The following PPM1F variants were observed in gnomAD, a reference collection of about 807,000 sequenced individuals.
PPM1F encodes protein phosphatase, Mg2+/Mn2+ dependent 1F.
PPM1F carries 17 observed loss-of-function variants against 35.5 expected under a neutral mutation model. The ratio of observed to expected loss-of-function variants is 0.48; its 90% CI spans 0.33 to 0.72. The LOEUF (loss-of-function observed/expected upper bound fraction) is 0.72. Ranked by LOEUF, PPM1F falls within the 30% of genes least tolerant of loss-of-function variation. PPM1F has a pLI of 0.02. For missense variants in PPM1F, 521 were observed against 613.0 expected, an observed-to-expected ratio of 0.85 and a Z score of 1.59; for synonymous variants, 241 against 255.5, an observed-to-expected ratio of 0.94 and a Z score of 0.54.
Position 21,939,223 on chromosome 22 carries a change from A to C in PPM1F, c.355+309T>G, listed in dbSNP as rs2070697306. ...CGATCACCTGTGAGATCCTCTGTGA[A>C]ACGGGATAAGCATCTTTAATTTCCT... On this transcript the variant is annotated intron_variant, in intron 3 of 7. Coordinates refer to ENST00000263212, the MANE Select transcript of PPM1F (RefSeq NM_014634.4). This position sits in a 1 kb window ranked among gnomAD's most constrained non-coding sequence, Gnocchi z 5.1. The C allele has an allele frequency of 3.0e-6, 1 of 337,044 alleles. No homozygotes were observed. The highest frequency in any genetic ancestry group is 4.5e-5 in the Admixed American group (1 of 22,316). 20.9% of individuals were successfully genotyped at this position (337,044 alleles called of 1,614,324 possible).
intron 3 of PPM1F, chr22:21,937,997 G>T: frequency 8.3e-6 from 8 of 966,706 alleles, no homozygotes; most frequent in Non-Finnish European, 1.1e-5. Context: ...ATGGCTTGGA[G>T]TCCAAAAACT....
chr22:21,925,359 T>C (rs533706343), intron 7 of PPM1F: 11 of 521,480 alleles, frequency 2.1e-5, no homozygotes, highest in African/African-American at 7.6e-5. Flanking sequence ...GATAATAACA[T>C]ACAGTGTAAC....
intron 7 of PPM1F, among the ~76,000 whole-genome samples, chr22:21,923,827 G>A (rs1289963969): frequency 7.9e-5 from 12 of 150,950 alleles, no homozygotes; most frequent in African/African-American, 1.9e-4. Context: ...ACAGGCTCGC[G>A]CCACCATGCC....
chr22:21,931,352 G>A lies in PPM1F; in HGVS notation c.748-61C>T, dbSNP rs576636093. 120 of 1,524,752 alleles carry A rather than the reference G, an allele frequency of 7.9e-5. 1 individual carries two copies. The South Asian group carries it at 1.1e-3, about 14-fold the overall frequency. The allele number at this position is 1,524,752 out of a possible 1,614,324, so 94.5% of individuals were successfully genotyped here. A position where few individuals can be genotyped will look rare whatever the true frequency, so the allele number is the denominator to read the frequency against. On this transcript the variant is annotated intron_variant, in intron 5 of 7. Coordinates refer to ENST00000263212, the MANE Select transcript of PPM1F (RefSeq NM_014634.4). ...GGTAGGGAAGGGCAGAGGATGACACGGGGCAGGATGAAGCTTCCGGGGGTG... is the reference window on the plus strand; with the variant it reads ...GGTAGGGAAGGGCAGAGGATGACACAGGGCAGGATGAAGCTTCCGGGGGTG...
Position 21,923,093 on chromosome 22 carries a change from T to G in PPM1F, c.1364A>C (p.Ter455SerextTer200). ...EPETQAPPRS* is the reference protein window; with the variant it reads ...EPETQAPPRSS Reference sequence around the variant, plus strand: ...GGAGGGCAGGGGCCTGGAAACCACCTAGCTTCTTGGTGGAGCCTGGGTCTC... The same window carrying G: ...GGAGGGCAGGGGCCTGGAAACCACCGAGCTTCTTGGTGGAGCCTGGGTCTC... The change falls in exon 8 of 8, where the codon TAG (stop) becomes TCG (serine). Residue 455 changes from the stop codon to serine, a stop_lost. Coordinates refer to ENST00000263212, the MANE Select transcript of PPM1F (RefSeq NM_014634.4). 6.3e-7 allele frequency: 1 copy of G among 1,598,256 alleles called. No homozygotes were observed. The highest frequency in any genetic ancestry group is 1.1e-5 in the South Asian group (1 of 89,806).
intron 6 of PPM1F, 48 bp from the exon 7 acceptor site, chr22:21,925,710 G>T (rs371183538): frequency 2.8e-6 from 4 of 1,449,308 alleles, no homozygotes; most frequent in Non-Finnish European, 3.7e-6. Flanking sequence ...GGGATGGGGC[G>T]TGAAGCCCCC....
chr22:21,937,981 G>T, intron 3 of PPM1F: 2 of 826,832 alleles, frequency 2.4e-6, no homozygotes, highest in Non-Finnish European at 3.2e-6. Flanking sequence ...ACGCAATTTT[G>T]TAAGAATGGC....
At chr22:21,930,213 G>C (rs1482205172) in intron 6 of PPM1F, among the ~76,000 whole-genome samples, 1 of 152,210 alleles carries the variant, frequency 6.6e-6, no homozygotes, top group East Asian at 1.9e-4. Context: ...CTGCAGCCTG[G>C]TGAGACTGTG....
At chr22:21,923,847 G>GTT (rs56102816) in intron 7 of PPM1F, among the ~76,000 whole-genome samples, 8 of 136,418 alleles carry the variant, frequency 5.9e-5, no homozygotes, top group South Asian at 2.4e-4. Flanking sequence ...CCAGCTAATT[G>GTT]TTTTTTTTTT....
chr22:21,946,511 G>A (rs1229650024), intron 1 of PPM1F: 1 of 154,546 alleles, frequency 6.5e-6, no homozygotes, highest in Non-Finnish European at 1.4e-5. Flanking sequence ...AAGCCACCAG[G>A]TCTGTGAGCC....
At chr22:21,940,002 G>C (rs541978605) in intron 2 of PPM1F, among the ~76,000 whole-genome samples, 1 of 152,170 alleles carries the variant, frequency 6.6e-6, no homozygotes, top group Non-Finnish European at 1.5e-5. Context: ...GACCCTGGGG[G>C]GTGGGGAGTG....
At position 21,939,684 on chromosome 22, in the gene PPM1F, G is replaced by C; in HGVS notation, c.207-4C>G. 1.9e-6 allele frequency: 3 copies of C among 1,551,684 alleles called. No individual in the cohort carries two copies. The South Asian group carries it at 3.6e-5, about 18-fold the overall frequency. The stretch of plus-strand genomic sequence containing the variant: ...AGCAAGTGGTGGCGGGGCCTTCCTA[G>C]GGATGAGGAGGGGGAAGTGAGGGGC... On this transcript the variant is annotated splice_polypyrimidine_tract_variant and splice_region_variant and intron_variant, in intron 2 of 7. Transcript: ENST00000263212. The surrounding 1 kb of genome is among the most constrained non-coding windows in gnomAD (Gnocchi z 5.1).
chr22:21,945,838 C>G lies in PPM1F; in HGVS notation c.206+5G>C, dbSNP rs1248117469. On this transcript the variant is annotated splice_donor_5th_base_variant and intron_variant, in intron 2 of 7. Transcript: ENST00000263212. ...CCCGTCCCCTTTGGGGGTGCACAGG[C>G]CTACCTGCTGCCCAGAAAGCCCATG... 6.2e-7 allele frequency: 1 copy of G among 1,607,320 alleles called. No individual in the cohort carries two copies. Among genetic ancestry groups the G allele is most frequent in the Admixed American group, 1.7e-5 (1 of 59,960 alleles).
At chr22:21,943,009 T>C (rs748816507) in intron 2 of PPM1F, 1 of 152,272 alleles carries the variant, frequency 6.6e-6, no homozygotes, top group South Asian at 2.1e-4. Flanking sequence ...GTGTACGGTA[T>C]GCACTGCTCA....
chr22:21,939,348 G>T lies in PPM1F; in HGVS notation c.355+184C>A. 1.4e-6 allele frequency: 1 copy of T among 735,408 alleles called. No individual in the cohort carries two copies. The highest frequency in any genetic ancestry group is 2.2e-6 in the Non-Finnish European group (1 of 454,504). The allele number at this position is 735,408 out of a possible 1,614,324, so 45.6% of individuals were successfully genotyped here. ...CTGGGAACTATATGACCTGTGGAGGGCTGTGACCGCCACCCTCCACCTCAC... is the reference window on the plus strand; with the variant it reads ...CTGGGAACTATATGACCTGTGGAGGTCTGTGACCGCCACCCTCCACCTCAC... On this transcript the variant is annotated intron_variant, in intron 3 of 7. Coordinates refer to ENST00000263212, the MANE Select transcript of PPM1F (RefSeq NM_014634.4). This position sits in a 1 kb window ranked among gnomAD's most constrained non-coding sequence, Gnocchi z 5.1.
At chr22:21,925,705 G>A (rs1375918363) in intron 6 of PPM1F, 43 bp from the exon 7 acceptor site, 2 of 1,483,644 alleles carry the variant, frequency 1.3e-6, no homozygotes, top group East Asian at 4.6e-5. Context: ...CCGGGGGGAT[G>A]GGGCGTGAAG....
At chr22:21,933,277 T>G (rs1601782801) in intron 5 of PPM1F, 114 bp downstream of exon 5, 3 of 947,586 alleles carry the variant, frequency 3.2e-6, no homozygotes, top group Non-Finnish European at 4.6e-6. Flanking sequence ...CCACCGGCAG[T>G]GTTTAGTGAG....
chr22:21,935,690 G>C (rs779937697), intron 3 of PPM1F: 1 of 152,156 alleles, frequency 6.6e-6, no homozygotes, highest in Non-Finnish European at 1.5e-5. Context: ...ATAACATAAA[G>C]AGACCTTGTC....
At chr22:21,931,957 C>T (rs564683845) in intron 5 of PPM1F, among the ~76,000 whole-genome samples, 6 of 152,170 alleles carry the variant, frequency 3.9e-5, no homozygotes, top group South Asian at 2.1e-4. Context: ...GGACTATAGG[C>T]GCGTGCCACC....
Sources: allele counts gnomAD v4.1 joint callset (sites outside exome capture counted in the v4.1 genomes callset), GRCh38; gene constraint gnomAD v4.1.1; non-coding constraint Gnocchi (gnomAD v3.1); transcripts MANE v1.5; gene names NCBI Gene and HGNC (gene_info 2026-07-23, HGNC 2026-07-21).